The following ETV5 variants were observed in gnomAD, a reference collection of about 807,000 sequenced individuals.
ETV5 encodes ETS translocation variant 5.
Under a neutral mutation model 70.0 loss-of-function variants are expected in ETV5, and 10 were observed. The ratio of observed to expected loss-of-function variants is 0.14; its 90% confidence interval spans 0.09 to 0.24. ETV5 has a LOEUF of 0.24. Ranked by LOEUF, ETV5 falls within the 10% of genes least tolerant of loss-of-function variation. The pLI is 1.00. For missense variants in ETV5, 453 were observed against 651.2 expected (o/e 0.70, Z 3.31); for synonymous variants, 216 against 242.2 (o/e 0.89, Z 1.01).
intron 5 of ETV5, among the ~76,000 whole-genome samples, chr3:186,082,469 C>A (rs1713955592): frequency 6.6e-6 from 1 of 151,162 alleles, no homozygotes; most frequent in Admixed American, 6.6e-5. Context: ...ACTCTGTCGC[C>A]CAGGCTGGCG....
intron 5 of ETV5, among the ~76,000 whole-genome samples, chr3:186,082,974 G>A (rs1389574622): frequency 2.0e-5 from 3 of 152,200 alleles, no homozygotes; most frequent in Non-Finnish European, 4.4e-5. Flanking sequence ...AAAATAAGTT[G>A]AGAACTAGCA....
chr3:186,099,094 G>A (rs1462762953), intron 5 of ETV5, among the ~76,000 whole-genome samples: 1 of 152,204 alleles, frequency 6.6e-6, no homozygotes, highest in Non-Finnish European at 1.5e-5. Flanking sequence ...TCTATGCAGA[G>A]TCCTCTTACG....
intron 5 of ETV5, chr3:186,084,283 A>T (rs1714001871): frequency 2.5e-5 from 2 of 80,804 alleles, no homozygotes; most frequent in East Asian, 1.0e-3. Context: ...AAGAAATGCT[A>T]AAAAAAAAAA....
intron 9 of ETV5, among the ~76,000 whole-genome samples, chr3:186,059,812 C>T (rs993186436): frequency 6.6e-6 from 1 of 152,106 alleles, no homozygotes. Flanking sequence ...CCTCATGGCA[C>T]CTTACACATA....
At chr3:186,104,321 C>A (rs879627464) in intron 5 of ETV5, among the ~76,000 whole-genome samples, 1 of 152,180 alleles carries the variant, frequency 6.6e-6, no homozygotes, top group East Asian at 1.9e-4. Flanking sequence ...AGTAACCATG[C>A]CCCTGCCAGT....
At chr3:186,077,744 T>C (rs949317128) in intron 7 of ETV5, among the ~76,000 whole-genome samples, 2 of 152,196 alleles carry the variant, frequency 1.3e-5, no homozygotes, top group African/African-American at 2.4e-5. Flanking sequence ...TCCTGTGCAC[T>C]TTCAACTTTG....
At chr3:186,103,620 A>AACACACACACACACACAC (rs10534124) in intron 5 of ETV5, among the ~76,000 whole-genome samples, 81 of 142,964 alleles carry the variant, frequency 5.7e-4, no homozygotes, top group East Asian at 2.6e-3. Context: ...TCATCTTGCA[A>AACACACACACACACACAC]ACACACACAC....
chr3:186,069,532 A>G (rs1713546770), intron 7 of ETV5, among the ~76,000 whole-genome samples: 1 of 150,304 alleles, frequency 6.7e-6, no homozygotes, highest in Non-Finnish European at 1.5e-5. Flanking sequence ...AAAAAAGTCT[A>G]AAAAAAGACT....
intron 9 of ETV5, among the ~76,000 whole-genome samples, chr3:186,061,064 G>A (rs1442027627): frequency 3.9e-5 from 6 of 152,204 alleles, no homozygotes; most frequent in East Asian, 1.9e-4. Flanking sequence ...AACAACACTC[G>A]GTCTCCCATC....
chr3:186,092,908 T>C (rs79875468), intron 5 of ETV5, among the ~76,000 whole-genome samples: 1 of 152,218 alleles, frequency 6.6e-6, no homozygotes, highest in Non-Finnish European at 1.5e-5. Flanking sequence ...ACACATATCA[T>C]GTACTGGGCT....
chr3:186,079,605 C>G (rs754666452), intron 7 of ETV5, among the ~76,000 whole-genome samples: 1 of 152,106 alleles, frequency 6.6e-6, no homozygotes, highest in Non-Finnish European at 1.5e-5. Flanking sequence ...ATAAGGATGT[C>G]GTAGTCCATC....
chr3:186,105,540 G>T lies in ETV5; in HGVS notation c.134-44C>A. ...ACCCCAGAATGAGGATATTTCTTTC[G>T]CTAGGGAGAAGACAGGGAAGAATCT... On this transcript the variant is annotated intron_variant, in intron 3 of 12. Transcript: ENST00000306376. This position sits in a 1 kb window ranked among gnomAD's most constrained non-coding sequence, Gnocchi z 4.5. 6.2e-7 allele frequency: 1 copy of T among 1,612,120 alleles called. No individual in the cohort carries two copies. The highest frequency in any genetic ancestry group is 8.5e-7 in the Non-Finnish European group (1 of 1,178,384).
At chr3:186,087,622 A>C (rs1714088276) in intron 5 of ETV5, among the ~76,000 whole-genome samples, 2 of 152,194 alleles carry the variant, frequency 1.3e-5, no homozygotes, top group African/African-American at 4.8e-5. Context: ...AGTTGTTTTA[A>C]AATAGAAAAA....
intron 7 of ETV5, among the ~76,000 whole-genome samples, chr3:186,077,206 C>T (rs1410260897): frequency 2.6e-5 from 4 of 152,092 alleles, no homozygotes; most frequent in Admixed American, 6.6e-5. Context: ...TGCAAAATAC[C>T]ATATATTTGT....
chr3:186,072,249 T>C (rs1228633967), intron 7 of ETV5, among the ~76,000 whole-genome samples: 1 of 151,716 alleles, frequency 6.6e-6, no homozygotes, highest in Non-Finnish European at 1.5e-5. Context: ...AGGTGCAGTG[T>C]CGAATGCCTG....
At chr3:186,049,637 T>C (rs1400511490) in intron 12 of ETV5, among the ~76,000 whole-genome samples, 4 of 152,226 alleles carry the variant, frequency 2.6e-5, no homozygotes, top group African/African-American at 9.6e-5. Context: ...CCAAATTTAC[T>C]GATAAGATAA....
Position 186,066,058 on chromosome 3 carries a change from A to G in ETV5, c.665T>C (p.Leu222Pro). Residue 222 changes from leucine (L) to proline (P), a missense_variant, in exon 8 of 13, where the codon CTG (leucine) becomes CCG (proline). Physicochemically the swap from Leu to Pro is moderately conservative, Grantham distance 98 (BLOSUM62 -3). Coordinates refer to ENST00000306376, the MANE Select transcript of ETV5 (RefSeq NM_004454.3). The part of the protein sequence containing the change: ...YPSEQRFQRQ[L>P]SEPCHPFPPQ... ...AGGGAAGGGGTGGCAGGGTTCAGAC[A>G]GTTGTCTCTGAAATCTGTAAGAAGA... 1 of 1,588,392 alleles carries G rather than the reference A, an allele frequency of 6.3e-7. No homozygotes were observed. Among genetic ancestry groups the G allele is most frequent in the Non-Finnish European group, 8.6e-7 (1 of 1,169,396 alleles).
chr3:186,078,619 A>G (rs1713854575), intron 7 of ETV5, among the ~76,000 whole-genome samples: 1 of 152,170 alleles, frequency 6.6e-6, no homozygotes, highest in Non-Finnish European at 1.5e-5. Context: ...CAAGGTAACA[A>G]TTGCCAAAAG....
intron 7 of ETV5, among the ~76,000 whole-genome samples, chr3:186,074,715 A>G (rs758170427): frequency 1.1e-3 from 171 of 152,182 alleles, no homozygotes; most frequent in South Asian, 2.7e-3. Context: ...GGAGTTTGAC[A>G]GCAGCCTGGC....
Sources: gnomAD v4.1 joint callset for allele counts (sites outside exome capture counted in the v4.1 genomes callset) on GRCh38, gnomAD v4.1.1 for gene constraint, Gnocchi (gnomAD v3.1) non-coding constraint, MANE v1.5 for transcripts, NCBI Gene and HGNC (gene_info 2026-07-23, HGNC 2026-07-21) for gene names.